SLC6A6: variants seen among roughly 807,000 people sequenced by gnomAD.
SLC6A6 encodes the protein solute carrier family 6 member 6, also known as sodium- and chloride-dependent taurine transporter.
A neutral mutation model predicts 68.8 loss-of-function variants in SLC6A6; 16 were observed. That is an observed-to-expected ratio of 0.23 (90% CI 0.16 to 0.35). SLC6A6 has a LOEUF of 0.35. Among genes scored for constraint, SLC6A6 ranks in the 10% least tolerant of loss-of-function variants. The pLI, the probability that SLC6A6 is intolerant of heterozygous loss-of-function variation, is 1.00. For synonymous variants in SLC6A6, 312 were observed against 315.4 expected (o/e 0.99, Z 0.12); for missense variants, 474 against 802.8 (o/e 0.59, Z 4.95).
rs1279153666 is a variant in SLC6A6 at position 14,481,984 on chromosome 3, G to A, written c.1722+143G>A. 3.0e-6 allele frequency: 2 copies of A among 662,982 alleles called. No individual in the cohort carries two copies. Among genetic ancestry groups the A allele is most frequent in the Non-Finnish European group, 5.2e-6 (2 of 385,464 alleles). 41.1% of individuals were successfully genotyped at this position (662,982 alleles called of 1,614,324 possible). ...CACCCATCCAGTGGTTCAGCTTATG[G>A]GCAGCAGAGTGCATTGTGGGAAGAC... On this transcript the variant is annotated intron_variant, in intron 14 of 14. Coordinates refer to ENST00000622186, the MANE Select transcript of SLC6A6 (RefSeq NM_003043.6). The surrounding 1 kb of genome is among the most constrained non-coding windows in gnomAD (Gnocchi z 4.7).
In SLC6A6 at chr3:14,468,378, A is replaced by G. The variant is rs1365582822; in HGVS notation, c.1096+166A>G. On this transcript the variant is annotated intron_variant, in intron 9 of 14. Coordinates refer to ENST00000622186, the MANE Select transcript of SLC6A6 (RefSeq NM_003043.6). The surrounding 1 kb of genome is among the most constrained non-coding windows in gnomAD (Gnocchi z 4.5). ...AGATATCCCCCAAATTTCAAAGAGTACAAAGCCAAATTTTAAACATTTGTA... is the reference window on the plus strand; with the variant it reads ...AGATATCCCCCAAATTTCAAAGAGTGCAAAGCCAAATTTTAAACATTTGTA... 8.2e-6 allele frequency among the ~76,000 whole-genome samples: 1 copy of G among 122,086 alleles called. No homozygotes were observed. Among genetic ancestry groups the G allele is most frequent in the Non-Finnish European group, 1.7e-5 (1 of 58,254 alleles). 80.1% of individuals were successfully genotyped at this position (122,086 alleles called of 152,430 possible). A position where few individuals can be genotyped will look rare whatever the true frequency, so the allele number is the denominator to read the frequency against.
At chr3:14,434,165 C>T (rs530297813) in intron 2 of SLC6A6, among the ~76,000 whole-genome samples, 20 of 152,216 alleles carry the variant, frequency 1.3e-4, no homozygotes, top group Non-Finnish European at 2.8e-4. Flanking sequence ...AAAGCTTGTT[C>T]CCTAGAGCCG....
At chr3:14,422,267 G>A (rs74491071) in intron 2 of SLC6A6, among the ~76,000 whole-genome samples, 4,527 of 152,194 alleles carry the variant, frequency 0.03, 224 homozygotes, top group African/African-American at 0.1. Context: ...CCAAATGCCC[G>A]CAGGGACCCT....
chr3:14,444,564 T>A (rs1700068416), intron 3 of SLC6A6, among the ~76,000 whole-genome samples: 1 of 152,170 alleles, frequency 6.6e-6, no homozygotes, highest in African/African-American at 2.4e-5. Flanking sequence ...TTCTTGCTGG[T>A]GCCATGATGG....
chr3:14,444,723 C>T (rs943090232), intron 3 of SLC6A6: 1 of 456,690 alleles, frequency 2.2e-6, no homozygotes. Context: ...AGCCTGGTTT[C>T]TTAACCTTTT....
At chr3:14,470,331 A>G (rs1233975068) in intron 9 of SLC6A6, among the ~76,000 whole-genome samples, 2 of 152,230 alleles carry the variant, frequency 1.3e-5, no homozygotes, top group Non-Finnish European at 2.9e-5. Flanking sequence ...AACAAGCACC[A>G]TATTGAGTGA....
Position 14,455,579 on chromosome 3 carries a change from A to G in SLC6A6, c.600-2371A>G, listed in dbSNP as rs73134874. 1.0e-2 allele frequency among the ~76,000 whole-genome samples: 1,520 copies of G among 152,308 alleles called. 28 individuals carry two copies. Among genetic ancestry groups the G allele is most frequent in the African/African-American group, 0.034 (1,424 of 41,580 alleles). ...AGCGGAAGACAGACAGGGGCTCTACAGTGAGTCTTCCAGAACCTCAGGGAG... is the reference window on the plus strand; with the variant it reads ...AGCGGAAGACAGACAGGGGCTCTACGGTGAGTCTTCCAGAACCTCAGGGAG... On this transcript the variant is annotated intron_variant, in intron 5 of 14. Transcript: ENST00000622186.
intron 10 of SLC6A6, among the ~76,000 whole-genome samples, chr3:14,474,611 CTATTTTTACCCTTCT>C (rs1354551728): frequency 6.6e-6 from 1 of 152,202 alleles, no homozygotes; most frequent in African/African-American, 2.4e-5. Context: ...TGCCTGGGTA[CTATTTTTACCCTTCT>C]TATAGCTGAG....
chr3:14,473,222 A>G (rs113331847), intron 10 of SLC6A6, among the ~76,000 whole-genome samples: 2,623 of 152,222 alleles, frequency 0.017, 93 homozygotes, highest in African/African-American at 0.06. Context: ...GTCTTGTTGA[A>G]ACAACAGTTC....
At chr3:14,464,841 C>T (rs758099044) in intron 6 of SLC6A6, among the ~76,000 whole-genome samples, 3 of 152,220 alleles carry the variant, frequency 2.0e-5, no homozygotes, top group Non-Finnish European at 2.9e-5. Context: ...TCCCCAGATG[C>T]GGCCCAGGGC....
chr3:14,402,846 A>C lies in SLC6A6; in HGVS notation c.-55A>C. 2.5e-6 allele frequency: 1 copy of C among 396,170 alleles called. No homozygotes were observed. The highest frequency in any genetic ancestry group is 4.5e-6 in the Non-Finnish European group (1 of 224,482). The allele number at this position is 396,170 out of a possible 1,614,324, so 24.5% of individuals were successfully genotyped here. A position where few individuals can be genotyped will look rare whatever the true frequency, so the allele number is the denominator to read the frequency against. ...GCGCGGGCGGCGCCGCAGCCACCCC[A>C]GGTACCGGAGGGACCGGGAGCTGGG... On this transcript the variant is annotated splice_region_variant and 5_prime_UTR_variant, in exon 1 of 15. Transcript: ENST00000622186. This position sits in a 1 kb window ranked among gnomAD's most constrained non-coding sequence, Gnocchi z 4.8.
At chr3:14,448,935 C>G (rs1322656951) in intron 5 of SLC6A6, among the ~76,000 whole-genome samples, 19 of 152,238 alleles carry the variant, frequency 1.2e-4, no homozygotes, top group Admixed American at 1.2e-3. Context: ...TGAGATGAGG[C>G]CTTGAGTGAA....
intron 5 of SLC6A6, among the ~76,000 whole-genome samples, chr3:14,448,895 C>G (rs866739387): frequency 3.3e-5 from 5 of 152,258 alleles, no homozygotes; most frequent in African/African-American, 1.2e-4. Flanking sequence ...GCTCAGCACT[C>G]AAGTGCAGCC....
chr3:14,447,767 A>G lies in SLC6A6; in HGVS notation c.550A>G (p.Ile184Val). ...DTMRKNKSVW[I>V]TISSTNFTSP... ...CATGCGCAAGAACAAGAGTGTCTGG[A>G]TCACCATCAGCTCCACCAACTTCAC... The change falls in exon 5 of 15, where the codon ATC becomes GTC. Residue 184 changes from isoleucine to valine, a missense_variant. Ile to Val is a conservative substitution (Grantham distance 29). Around this residue, in one of 2 missense-constraint regions of SLC6A6, gnomAD observed 280 missense variants for 533.1 expected, o/e 0.53. Coordinates refer to ENST00000622186, the MANE Select transcript of SLC6A6 (RefSeq NM_003043.6). 6.2e-7 allele frequency: 1 copy of G among 1,614,230 alleles called. No homozygotes were observed. Among genetic ancestry groups the G allele is most frequent in the Non-Finnish European group, 8.5e-7 (1 of 1,180,042 alleles).
intron 5 of SLC6A6, 105 bp from the exon 6 acceptor site, chr3:14,457,845 G>T: frequency 9.9e-7 from 1 of 1,006,632 alleles, no homozygotes. Flanking sequence ...TAAATGCAGC[G>T]CCTCAGGTGG....
At chr3:14,434,720 G>C (rs1437333683) in intron 2 of SLC6A6, among the ~76,000 whole-genome samples, 1 of 152,124 alleles carries the variant, frequency 6.6e-6, no homozygotes, top group Non-Finnish European at 1.5e-5. Flanking sequence ...TTCATCTGGG[G>C]CAGCGCCAGC....
At chr3:14,484,224 C>T (rs1701082025) in intron 14 of SLC6A6, among the ~76,000 whole-genome samples, 1 of 152,172 alleles carries the variant, frequency 6.6e-6, no homozygotes, top group Non-Finnish European at 1.5e-5. Flanking sequence ...ACAAAACTCA[C>T]CCTGCTCAGG....
In SLC6A6 at chr3:14,484,982, A is replaced by G. The variant is rs1158362031; in HGVS notation, c.1838A>G (p.His613Arg). 1 of 1,613,042 alleles carries G rather than the reference A, an allele frequency of 6.2e-7. No homozygotes were observed. Among genetic ancestry groups the G allele is most frequent in the Non-Finnish European group, 8.5e-7 (1 of 1,179,682 alleles). The stretch of plus-strand genomic sequence containing the variant: ...AACGGCGCTCTCGTGAAACCGACCC[A>G]CATCATTGTGGAGACCATGATGTGA... ...VMNGALVKPTHIIVETMM is the reference protein window; with the variant it reads ...VMNGALVKPTRIIVETMM The change falls in exon 15 of 15, where the codon CAC becomes CGC. Residue 613 changes from histidine (H) to arginine (R), a missense_variant. By Grantham distance (29) the His-to-Arg change is conservative (BLOSUM62 0). This residue lies in a region of SLC6A6 where 194 missense variants were observed against 269.8 expected (regional missense o/e 0.72). Transcript: ENST00000622186.
intron 6 of SLC6A6, among the ~76,000 whole-genome samples, chr3:14,458,905 A>T (rs1394990534): frequency 6.6e-6 from 1 of 152,226 alleles, no homozygotes; most frequent in Non-Finnish European, 1.5e-5. Flanking sequence ...GTTAGCTTGT[A>T]ATTTTAAGGT....
Sources: allele counts gnomAD v4.1 joint callset (sites outside exome capture counted in the v4.1 genomes callset), GRCh38; gene constraint gnomAD v4.1.1; regional missense constraint gnomAD v4.1.1; non-coding constraint Gnocchi (gnomAD v3.1); transcripts MANE v1.5; gene names NCBI Gene and HGNC (gene_info 2026-07-23, HGNC 2026-07-21).